The following PLXNC1 variants were observed in gnomAD, a reference collection of about 807,000 sequenced individuals.
PLXNC1 encodes the protein plexin-C1.
Under a neutral mutation model 178.2 loss-of-function variants are expected in PLXNC1, and 75 were observed. That is an observed-to-expected ratio of 0.42 (90% CI 0.35 to 0.51). The LOEUF is 0.51. PLXNC1 is among the 20% of genes least tolerant of loss of function. PLXNC1 has a pLI of 0.02. For missense variants in PLXNC1, 1,503 were observed against 1,984.4 expected, an observed-to-expected ratio of 0.76 and a Z score of 4.61; for synonymous variants, 790 against 779.9, an observed-to-expected ratio of 1.01 and a Z score of -0.22.
intron 23 of PLXNC1, among the ~76,000 whole-genome samples, chr12:94,291,468 C>T (rs1230802729): frequency 6.6e-6 from 1 of 152,166 alleles, no homozygotes. Context: ...TAGGATCAAG[C>T]AATCCTACTG....
intron 23 of PLXNC1, among the ~76,000 whole-genome samples, chr12:94,292,309 G>A (rs144940976): frequency 8.5e-5 from 13 of 152,206 alleles, no homozygotes; most frequent in East Asian, 1.9e-4. Context: ...TCATTGTCTC[G>A]GAAGGGACAA....
chr12:94,152,320 A>G (rs1960991123), intron 1 of PLXNC1, among the ~76,000 whole-genome samples: 1 of 152,188 alleles, frequency 6.6e-6, no homozygotes, highest in Non-Finnish European at 1.5e-5. Context: ...TTTCTAACCT[A>G]TTAAATAGGT....
intron 7 of PLXNC1, among the ~76,000 whole-genome samples, chr12:94,225,517 C>G (rs970875696): frequency 1.3e-5 from 2 of 152,010 alleles, no homozygotes; most frequent in Non-Finnish European, 2.9e-5. Context: ...TACAGAAAGC[C>G]TCAGAAGTTC....
At chr12:94,173,746 TGG>T (rs1351064326) in intron 2 of PLXNC1, among the ~76,000 whole-genome samples, 2 of 152,232 alleles carry the variant, frequency 1.3e-5, no homozygotes, top group African/African-American at 4.8e-5. Flanking sequence ...TTTCTAATAC[TGG>T]GGTATAAGGG....
At chr12:94,152,689 G>T (rs973045799) in intron 1 of PLXNC1, among the ~76,000 whole-genome samples, 1 of 152,202 alleles carries the variant, frequency 6.6e-6, no homozygotes, top group African/African-American at 2.4e-5. Flanking sequence ...AGGCTGCAAG[G>T]CACAAGCGGC....
At chr12:94,299,530 C>T (rs141570073) in intron 27 of PLXNC1, among the ~76,000 whole-genome samples, 1 of 151,994 alleles carries the variant, frequency 6.6e-6, no homozygotes, top group Non-Finnish European at 1.5e-5. Flanking sequence ...CAATTCTCTA[C>T]GCTGGCTTGC....
chr12:94,216,132 G>A (rs1430190019), intron 5 of PLXNC1, among the ~76,000 whole-genome samples: 2 of 152,104 alleles, frequency 1.3e-5, no homozygotes, highest in African/African-American at 4.8e-5. Context: ...GCCAGGCGTG[G>A]TGGCAGGTGT....
intron 4 of PLXNC1, among the ~76,000 whole-genome samples, chr12:94,195,072 G>A (rs898622582): frequency 1.2e-4 from 19 of 152,108 alleles, no homozygotes; most frequent in Non-Finnish European, 2.1e-4. Context: ...TCTATGCACT[G>A]GCTGTAGAAG....
At chr12:94,286,858 A>AT (rs1164260553) in intron 23 of PLXNC1, among the ~76,000 whole-genome samples, 1 of 151,980 alleles carries the variant, frequency 6.6e-6, no homozygotes, top group Non-Finnish European at 1.5e-5. Context: ...CGTCTGAATG[A>AT]TTTACTCTCA....
chr12:94,288,609 A>T (rs556026667), intron 23 of PLXNC1, among the ~76,000 whole-genome samples: 2 of 152,260 alleles, frequency 1.3e-5, no homozygotes, highest in East Asian at 3.9e-4. Context: ...CAGCCTGTGG[A>T]GGATGTTCTG....
intron 9 of PLXNC1, among the ~76,000 whole-genome samples, chr12:94,230,084 A>T (rs1381002739): frequency 3.3e-5 from 5 of 152,220 alleles, no homozygotes; most frequent in African/African-American, 1.2e-4. Context: ...TCACAGTCGC[A>T]TCCATTTCCC....
chr12:94,172,094 C>T (rs1961866952), intron 2 of PLXNC1, among the ~76,000 whole-genome samples: 1 of 152,250 alleles, frequency 6.6e-6, no homozygotes, highest in African/African-American at 2.4e-5. Flanking sequence ...CTTGCCAAGG[C>T]TTGTCACCAG....
Position 94,181,530 on chromosome 12 carries a change from G to A in PLXNC1, c.1288G>A (p.Val430Ile), listed in dbSNP as rs533262461. The part of the protein sequence containing the change: ...KEETPVFYKL[V>I]PDPVKNIYIY... ...AGAGACACCTGTTTTCTACAAACTC[G>A]TTCCTGATCCTGTGAAGAATATCTA... The change falls in exon 3 of 31, where the codon GTT (valine) becomes ATT (isoleucine). Residue 430 changes from valine to isoleucine, a missense_variant. Around this residue, in one of 4 missense-constraint regions of PLXNC1, gnomAD observed 615 missense variants for 698.6 expected, o/e 0.88. Transcript: ENST00000258526. 1.5e-5 allele frequency: 24 copies of A among 1,608,146 alleles called. No homozygotes were observed. The highest frequency in any genetic ancestry group is 8.3e-5 in the Admixed American group (5 of 59,928).
chr12:94,275,849 C>T lies in PLXNC1; in HGVS notation c.3598-3623C>T, dbSNP rs1438957913. Among the ~76,000 whole-genome samples, 22 of 67,276 alleles carry T rather than the reference C, an allele frequency of 3.3e-4. 4 individuals carry two copies. The highest frequency in any genetic ancestry group is 4.6e-4 in the Non-Finnish European group (17 of 36,768). 44.1% of individuals were successfully genotyped at this position (67,276 alleles called of 152,430 possible). ...CAGCCTGGGCGACAGAGCGAGACTC[C>T]GTCTCAAAAAAAAAAAAAAAAAAAA... On this transcript the variant is annotated intron_variant, in intron 21 of 30. Coordinates refer to ENST00000258526, the MANE Select transcript of PLXNC1 (RefSeq NM_005761.3).
chr12:94,149,649 C>T lies in PLXNC1; in HGVS notation c.678C>T (p.Cys226=), dbSNP rs781080234. ...ATQELGRLKL[C]EGAGSLHFVD... is the part of the protein sequence containing the mutation. Reference sequence around the variant, plus strand: ...AGGAGCTGGGGCGCCTCAAGCTGTGCGAGGGCGCGGGCAGCCTGCACTTCG... The same window carrying T: ...AGGAGCTGGGGCGCCTCAAGCTGTGTGAGGGCGCGGGCAGCCTGCACTTCG... The change falls in exon 1 of 31, where the codon TGC becomes TGT. Residue 226 remains cysteine, a synonymous_variant. Transcript: ENST00000258526. The T allele has an allele frequency of 6.2e-7, 1 of 1,602,790 alleles. No homozygotes were observed. The highest frequency in any genetic ancestry group is 1.7e-4 in the Middle Eastern group (1 of 6,046).
intron 2 of PLXNC1, among the ~76,000 whole-genome samples, chr12:94,171,190 T>A (rs1416421675): frequency 6.6e-6 from 1 of 152,202 alleles, no homozygotes; most frequent in Non-Finnish European, 1.5e-5. Context: ...CTTTTAGCGA[T>A]GTTGTGGCAA....
chr12:94,166,084 C>T (rs556019479), intron 1 of PLXNC1, among the ~76,000 whole-genome samples: 13 of 152,202 alleles, frequency 8.5e-5, no homozygotes, highest in African/African-American at 2.4e-4. Context: ...CTTGGCCCAA[C>T]GATAGCTTCC....
intron 20 of PLXNC1, among the ~76,000 whole-genome samples, chr12:94,261,897 C>A (rs1371364698): frequency 6.6e-6 from 1 of 152,186 alleles, no homozygotes; most frequent in Non-Finnish European, 1.5e-5. Context: ...TCACCAACCC[C>A]TCCCTCTCCC....
intron 4 of PLXNC1, among the ~76,000 whole-genome samples, chr12:94,209,287 T>C (rs768797010): frequency 1.3e-5 from 2 of 152,212 alleles, no homozygotes; most frequent in African/African-American, 2.4e-5. Flanking sequence ...TGGGAGGATG[T>C]GTTTCAGATA....
Sources: allele counts gnomAD v4.1 joint callset (sites outside exome capture counted in the v4.1 genomes callset), GRCh38; gene constraint gnomAD v4.1.1; regional missense constraint gnomAD v4.1.1; transcripts MANE v1.5; gene names NCBI Gene and HGNC (gene_info 2026-07-23, HGNC 2026-07-21).